The following MMS22L variants were observed in gnomAD, a reference collection of about 807,000 sequenced individuals.
MMS22L encodes protein MMS22-like.
A neutral mutation model predicts 159.1 loss-of-function variants in MMS22L; 74 were observed. That is an observed-to-expected ratio of 0.47 (90% CI 0.39 to 0.56). The LOEUF is 0.56. MMS22L is among the 20% of genes least tolerant of loss of function. The pLI is 0.00. For synonymous variants in MMS22L, 517 were observed against 506.9 expected, an observed-to-expected ratio of 1.02 and a Z score of -0.27; for missense variants, 1,351 against 1,422.1, an observed-to-expected ratio of 0.95 and a Z score of 0.80.
At chr6:97,171,139 T>C (rs1803503480) in intron 19 of MMS22L, among the ~76,000 whole-genome samples, 1 of 152,202 alleles carries the variant, frequency 6.6e-6, no homozygotes, top group African/African-American at 2.4e-5. Flanking sequence ...CTTTAACTAA[T>C]GTATCCCTAA....
At chr6:97,179,303 C>A in intron 17 of MMS22L, 105 bp downstream of exon 17, 2 of 967,982 alleles carry the variant, frequency 2.1e-6, no homozygotes, top group Admixed American at 2.7e-5. Context: ...TACCCAATTA[C>A]GAATATTTTG....
intron 14 of MMS22L, among the ~76,000 whole-genome samples, chr6:97,195,415 T>C (rs183107809): frequency 4.6e-5 from 7 of 152,302 alleles, no homozygotes; most frequent in Admixed American, 1.3e-4. Flanking sequence ...AAGTGTAATA[T>C]AATTTACATC....
At chr6:97,239,643 T>C (rs937862338) in intron 11 of MMS22L, among the ~76,000 whole-genome samples, 3 of 152,204 alleles carry the variant, frequency 2.0e-5, no homozygotes, top group African/African-American at 7.2e-5. Flanking sequence ...CTGGGTGCGG[T>C]GGCTCCCATC....
Position 97,182,052 on chromosome 6 carries a change from A to C in MMS22L, c.2236T>G (p.Phe746Val). ...GGCATGTCCATTGCTAGCAAAGTAA[A>C]GTCTAGATTCAAAATGAGAGAAACT... ...FSQLADAAAD[F>V]TLLAMDMPST... The change falls in exon 16 of 25, where the codon TTT (phenylalanine) becomes GTT (valine). Residue 746 changes from phenylalanine to valine, a missense_variant and splice_region_variant. Transcript: ENST00000683635. 6.2e-7 allele frequency: 1 copy of C among 1,608,264 alleles called. No homozygotes were observed. The highest frequency in any genetic ancestry group is 8.5e-7 in the Non-Finnish European group (1 of 1,178,020).
At chr6:97,237,548 T>C (rs553523361) in intron 11 of MMS22L, among the ~76,000 whole-genome samples, 1 of 152,314 alleles carries the variant, frequency 6.6e-6, no homozygotes, top group South Asian at 2.1e-4. Context: ...GTTTATCTGC[T>C]TTCAAGTGTC....
At chr6:97,241,019 T>C (rs1812000632) in intron 11 of MMS22L, among the ~76,000 whole-genome samples, 1 of 152,226 alleles carries the variant, frequency 6.6e-6, no homozygotes, top group Admixed American at 6.5e-5. Flanking sequence ...CACCTTTGTG[T>C]CCTCATAGCT....
intron 14 of MMS22L, among the ~76,000 whole-genome samples, chr6:97,190,561 G>A (rs1271675030): frequency 3.3e-5 from 5 of 152,040 alleles, no homozygotes; most frequent in East Asian, 1.9e-4. Context: ...CAGCTCTCAT[G>A]GTGGAAATAA....
intron 15 of MMS22L, among the ~76,000 whole-genome samples, chr6:97,183,291 C>T (rs184554944): frequency 6.6e-6 from 1 of 152,224 alleles, no homozygotes; most frequent in African/African-American, 2.4e-5. Flanking sequence ...ATTGCATGGT[C>T]CATTATTATA....
chr6:97,174,662 G>C (rs770187477), intron 18 of MMS22L, among the ~76,000 whole-genome samples: 1 of 152,176 alleles, frequency 6.6e-6, no homozygotes, highest in Non-Finnish European at 1.5e-5. Flanking sequence ...GATGATGGTA[G>C]TCAATGAGCT....
intron 14 of MMS22L, among the ~76,000 whole-genome samples, chr6:97,225,643 G>A (rs972157774): frequency 2.6e-4 from 40 of 151,604 alleles, no homozygotes; most frequent in Non-Finnish European, 8.8e-5. Context: ...CACGATCTCG[G>A]CTCACTGCAA....
intron 9 of MMS22L, among the ~76,000 whole-genome samples, chr6:97,257,368 T>C (rs181774468): frequency 2.0e-5 from 3 of 152,362 alleles, no homozygotes; most frequent in Admixed American, 2.0e-4. Context: ...TACTTTAATC[T>C]GTAAGCGTTC....
chr6:97,165,395 C>G lies in MMS22L; in HGVS notation c.3072G>C (p.Gly1024=). 6.2e-7 allele frequency: 1 copy of G among 1,613,142 alleles called. No homozygotes were observed. The highest frequency in any genetic ancestry group is 8.5e-7 in the Non-Finnish European group (1 of 1,179,546). ...NPNAYLNQLL[G]NVIEQYIGRF... ...GCCCAATATACTGCTCAATAACATT[C>G]CCTAGCAATTGATTCAAATAGGCAT... is the stretch of plus-strand genomic sequence containing the variant. The change falls in exon 21 of 25, where the codon GGG becomes GGC. Residue 1024 remains glycine, a synonymous_variant. Transcript: ENST00000683635.
At chr6:97,256,588 A>G (rs961173053) in intron 9 of MMS22L, among the ~76,000 whole-genome samples, 5 of 152,198 alleles carry the variant, frequency 3.3e-5, no homozygotes, top group Admixed American at 6.5e-5. Context: ...TTTTGATACA[A>G]TAAGGATATC....
At chr6:97,219,901 C>T (rs993788240) in intron 14 of MMS22L, among the ~76,000 whole-genome samples, 45 of 152,210 alleles carry the variant, frequency 3.0e-4, no homozygotes, top group African/African-American at 1.0e-3. Flanking sequence ...TCTGAAAACA[C>T]TTTCCATTCT....
chr6:97,242,626 C>T (rs1265214241), intron 11 of MMS22L, among the ~76,000 whole-genome samples: 1 of 152,098 alleles, frequency 6.6e-6, no homozygotes, highest in Non-Finnish European at 1.5e-5. Flanking sequence ...ATTCTATTCA[C>T]TGTGGTAGTT....
At chr6:97,246,987 G>A (rs1260605186) in intron 10 of MMS22L, among the ~76,000 whole-genome samples, 8 of 144,072 alleles carry the variant, frequency 5.6e-5, no homozygotes, top group Admixed American at 1.4e-4. Flanking sequence ...AATCCAACAG[G>A]AAAAAAAAAA....
chr6:97,202,596 T>C (rs1464892315), intron 14 of MMS22L, among the ~76,000 whole-genome samples: 4 of 152,144 alleles, frequency 2.6e-5, no homozygotes, highest in Non-Finnish European at 4.4e-5. Context: ...GTAAATAATA[T>C]CATCTACAGT....
intron 11 of MMS22L, among the ~76,000 whole-genome samples, chr6:97,236,325 A>G (rs1197704484): frequency 4.2e-5 from 1 of 24,046 alleles, no homozygotes; most frequent in African/African-American, 9.0e-5. Context: ...TCTTTCTCCA[A>G]AAAAAAAAAA....
At position 97,178,607 on chromosome 6, in the gene MMS22L, T is replaced by C. The variant is rs772167194; in HGVS notation, c.2537-22A>G. The C allele has an allele frequency of 5.3e-6, 7 of 1,318,298 alleles. No homozygotes were observed. The African/African-American group carries it at 9.0e-5, about 17-fold the overall frequency. The allele number at this position is 1,318,298 out of a possible 1,614,324, so 81.7% of individuals were successfully genotyped here. ...TTTTCTGTTAAAATAAAATAGTATT[T>C]GTTATATCAATTTATATAACATACT... On this transcript the variant is annotated intron_variant, in intron 17 of 24. Coordinates refer to ENST00000683635, the MANE Select transcript of MMS22L (RefSeq NM_001350599.2).
Sources: allele counts gnomAD v4.1 joint callset (sites outside exome capture counted in the v4.1 genomes callset), GRCh38; gene constraint gnomAD v4.1.1; transcripts MANE v1.5; gene names NCBI Gene and HGNC (gene_info 2026-07-23, HGNC 2026-07-21).